CAPN3: variants seen among roughly 807,000 people sequenced by gnomAD.
The protein encoded by CAPN3 is calpain 3.
CAPN3 carries 88 observed loss-of-function variants against 114.0 expected under a neutral mutation model. That is an observed-to-expected ratio of 0.77 (90% CI 0.65 to 0.92). The LOEUF (loss-of-function observed/expected upper bound fraction) is 0.92, where lower values mean the gene tolerates loss of function less well. CAPN3 is among the 40% of genes least tolerant of loss of function. CAPN3 has a pLI of 0.00. For missense variants in CAPN3, 1,028 were observed against 1,069.0 expected (o/e 0.96, Z 0.53); for synonymous variants, 386 against 382.9 (o/e 1.01, Z -0.09).
rs199806879 is a variant in CAPN3, at chr15:42,408,227, C to T, written c.1817C>T (p.Ser606Leu). The T allele has an allele frequency of 2.1e-5, 34 of 1,613,124 alleles. No homozygotes were observed. Among genetic ancestry groups the T allele is most frequent in the East Asian group, 6.7e-5 (3 of 44,864 alleles). ...TCTCTCCAGCCCATCATCTTCGTTT[C>T]GGACAGAGCAAACAGCAACAAGGAG... ...KKKTKPIIFV[S>L]DRANSNKELG... Residue 606 changes from serine to leucine, a missense_variant, in exon 16 of 24, where the codon TCG (serine) becomes TTG (leucine). Coordinates refer to ENST00000397163, the MANE Select transcript of CAPN3 (RefSeq NM_000070.3).
At chr15:42,387,665 T>C (rs1264057473) in intron 3 of CAPN3, 88 bp from the exon 4 acceptor site, 3 of 1,528,172 alleles carry the variant, frequency 2.0e-6, no homozygotes, top group Non-Finnish European at 2.7e-6. Flanking sequence ...GCTTTGGGAT[T>C]CAAGAACCCC....
chr15:42,361,484 T>C (rs978298393), intron 1 of CAPN3, among the ~76,000 whole-genome samples: 1 of 151,820 alleles, frequency 6.6e-6, no homozygotes, highest in Non-Finnish European at 1.5e-5. Flanking sequence ...ACAACAACAA[T>C]AACAACAACA....
At position 42,359,512 on chromosome 15, in the gene CAPN3, C is replaced by T. The variant is rs534227768; in HGVS notation, c.-294C>T. ...GAAACACAACCCTCACTCTCTTTCT[C>T]TCTCCCTCTGGCATGCATGCTGCTG... On this transcript the variant is annotated 5_prime_UTR_variant, in exon 1 of 24. Coordinates refer to ENST00000397163, the MANE Select transcript of CAPN3 (RefSeq NM_000070.3). The T allele has an allele frequency of 8.7e-6, 11 of 1,268,290 alleles. No individual in the cohort carries two copies. The South Asian group carries it at 1.9e-4, about 22-fold the overall frequency. 78.6% of individuals were successfully genotyped at this position (1,268,290 alleles called of 1,614,324 possible). A position where few individuals can be genotyped will look rare whatever the true frequency, so the allele number is the denominator to read the frequency against.
At chr15:42,365,183 C>G (rs940486367) in intron 1 of CAPN3, among the ~76,000 whole-genome samples, 1 of 152,140 alleles carries the variant, frequency 6.6e-6, no homozygotes, top group Admixed American at 6.5e-5. Flanking sequence ...AAGGGCCCAC[C>G]GTATTTAGCA....
At chr15:42,373,348 C>A (rs576033351) in intron 1 of CAPN3, among the ~76,000 whole-genome samples, 2 of 152,156 alleles carry the variant, frequency 1.3e-5, no homozygotes. Context: ...AACTGGCAGA[C>A]CAGATGATTC....
At position 42,380,751 on chromosome 15, in the gene CAPN3, ATTTTTT is replaced by A. The variant is rs59923448; in HGVS notation, c.310-3717_310-3712del. 2.3e-3 allele frequency among the ~76,000 whole-genome samples: 150 copies of A among 64,446 alleles called. 3 individuals carry two copies. The highest frequency in any genetic ancestry group is 0.013 in the African/African-American group (142 of 11,164). 42.3% of individuals were successfully genotyped at this position (64,446 alleles called of 152,430 possible). On this transcript the variant is annotated intron_variant, in intron 1 of 23. Transcript: ENST00000397163. ...CCCATATATATATATATATATATAT[ATTTTTT>A]TTTTTTTTTTTTTTGTAAAGATGGG...
chr15:42,410,323 G>A (rs28364536), intron 19 of CAPN3, 105 bp from the exon 20 acceptor site: 2 of 1,019,518 alleles, frequency 2.0e-6, no homozygotes, highest in South Asian at 2.5e-5. Context: ...GGGTTAAATA[G>A]TACAACAGGG....
intron 10 of CAPN3, among the ~76,000 whole-genome samples, chr15:42,400,441 A>C (rs1438708067): frequency 6.6e-6 from 1 of 152,164 alleles, no homozygotes; most frequent in Non-Finnish European, 1.5e-5. Context: ...AACATAAGAC[A>C]CACAAGAAGA....
chr15:42,402,038 G>A (rs2053887144), intron 11 of CAPN3, 86 bp from the exon 12 acceptor site: 6 of 1,556,604 alleles, frequency 3.9e-6, no homozygotes, highest in South Asian at 2.2e-5. Flanking sequence ...GCTTCCGCAT[G>A]CGGGCTGCAG....
At chr15:42,385,282 G>T (rs1477262986) in intron 2 of CAPN3, among the ~76,000 whole-genome samples, 1 of 152,156 alleles carries the variant, frequency 6.6e-6, no homozygotes, top group Admixed American at 6.5e-5. Context: ...TAAATCAGAT[G>T]AATATCTGGG....
At position 42,394,284 on chromosome 15, in the gene CAPN3, T is replaced by C. The variant is rs528523969; in HGVS notation, c.1058T>C (p.Leu353Pro). Residue 353 changes from leucine to proline, a missense_variant, in exon 8 of 24, where the codon CTG (leucine) becomes CCG (proline). By Grantham distance (98) the Leu-to-Pro change is moderately conservative. Transcript: ENST00000397163. The stretch of plus-strand genomic sequence containing the variant: ...CCGTTCAAAGGTGAGAAAGTGAAGC[T>C]GGTGCGGCTGCGGAATCCGTGGGGC... The part of the protein sequence containing the change: ...EVPFKGEKVK[L>P]VRLRNPWGQV... 1.3e-6 allele frequency: 2 copies of C among 1,562,010 alleles called. No individual in the cohort carries two copies. The highest frequency in any genetic ancestry group is 1.2e-5 in the South Asian group (1 of 84,706).
chr15:42,398,780 C>CTTT (rs765133190), intron 9 of CAPN3, among the ~76,000 whole-genome samples: 1,229 of 101,328 alleles, frequency 0.012, 199 homozygotes, highest in African/African-American at 0.054. Context: ...AGCATTAGAG[C>CTTT]TTTTTTTTTT....
Position 42,359,557 on chromosome 15 carries a change from A to C in CAPN3, c.-249A>C. 3 of 1,367,274 alleles carry C rather than the reference A, an allele frequency of 2.2e-6. No homozygotes were observed. Among genetic ancestry groups the C allele is most frequent in the Non-Finnish European group, 2.8e-6 (3 of 1,059,890 alleles). The allele number at this position is 1,367,274 out of a possible 1,614,324, so 84.7% of individuals were successfully genotyped here. A position where few individuals can be genotyped will look rare whatever the true frequency, so the allele number is the denominator to read the frequency against. ...CTGCTGGTAGGAGACCCCCAAGTCA[A>C]CATTGCTTCAGAAATCCTTTAGCAC... On this transcript the variant is annotated 5_prime_UTR_variant, in exon 1 of 24. Transcript: ENST00000397163.
chr15:42,362,669 C>G (rs2052675692), intron 1 of CAPN3, among the ~76,000 whole-genome samples: 2 of 152,220 alleles, frequency 1.3e-5, no homozygotes, highest in South Asian at 2.1e-4. Flanking sequence ...TGGAATGATT[C>G]TTGGAGAGGT....
Position 42,389,002 on chromosome 15 carries a change from C to T in CAPN3, c.707C>T (p.Ala236Val). The T allele has an allele frequency of 6.2e-7, 1 of 1,613,998 alleles. No individual in the cohort carries two copies. The highest frequency in any genetic ancestry group is 8.5e-7 in the Non-Finnish European group (1 of 1,179,968). Residue 236 changes from alanine (A) to valine (V), a missense_variant, in exon 5 of 24, where the codon GCA (alanine) becomes GTA (valine). Transcript: ENST00000397163. ...EAMEDFTGGVAEFFEIRDAPS... is the reference protein window; with the variant it reads ...EAMEDFTGGVVEFFEIRDAPS... The stretch of plus-strand genomic sequence containing the variant: ...ATGGAGGACTTCACAGGAGGGGTGG[C>T]AGAGTTTTTTGAGATCAGGGATGCT...
chr15:42,386,322 C>T, intron 3 of CAPN3, 37 bp downstream of exon 3: 1 of 1,402,698 alleles, frequency 7.1e-7, no homozygotes, highest in Non-Finnish European at 1.0e-6. Flanking sequence ...GGGCCAGCGG[C>T]AGGCCACCCA....
In CAPN3 at chr15:42,399,561, G is replaced by A. The variant is rs372450879; in HGVS notation, c.1263G>A (p.Leu421=). Residue 421 remains leucine, a synonymous_variant, in exon 10 of 24, where the codon CTG becomes CTA. Transcript: ENST00000397163. The part of the protein sequence containing the change: ...LEICNLTADA[L]QSDKLQTWTV... ...TCTGCAACCTCACGGCCGATGCTCT[G>A]CAGTCTGACAAGCTTCAGACCTGGA... 2.7e-5 allele frequency: 44 copies of A among 1,613,536 alleles called. No homozygotes were observed. Among genetic ancestry groups the A allele is most frequent in the Non-Finnish European group, 3.6e-5 (43 of 1,179,596 alleles).
intron 23 of CAPN3, 132 bp from the exon 24 acceptor site, chr15:42,411,612 GCTT>G: frequency 1.3e-6 from 1 of 755,856 alleles, no homozygotes; most frequent in Admixed American, 1.9e-5. Flanking sequence ...GTAAGCCACT[GCTT>G]CTTGGAAAAT....
At chr15:42,404,201 A>G (rs1282673193) in intron 14 of CAPN3, 3 of 457,766 alleles carry the variant, frequency 6.6e-6, no homozygotes, top group Non-Finnish European at 1.3e-5. Flanking sequence ...GGTGACCTGG[A>G]CAATTTCTGT....
Sources: gnomAD v4.1 joint callset for allele counts (sites outside exome capture counted in the v4.1 genomes callset) on GRCh38, gnomAD v4.1.1 for gene constraint, MANE v1.5 for transcripts, NCBI Gene and HGNC (gene_info 2026-07-23, HGNC 2026-07-21) for gene names.